Variants in HECW2 observed in about 807,000 individuals in gnomAD.
The protein encoded by HECW2 is E3 ubiquitin-protein ligase HECW2.
HECW2 carries 61 observed loss-of-function variants against 175.2 expected under a neutral mutation model. The observed-to-expected ratio is 0.35, with a 90% confidence interval of 0.28 to 0.43. The LOEUF is 0.43. Ranked by LOEUF, HECW2 falls within the 20% of genes least tolerant of loss-of-function variation. HECW2 has a pLI of 1.00. For missense variants in HECW2, 1,524 were observed against 2,000.5 expected, an observed-to-expected ratio of 0.76 and a Z score of 4.54; for synonymous variants, 671 against 731.0, an observed-to-expected ratio of 0.92 and a Z score of 1.32.
chr2:196,492,712 A>T (rs184600921), intron 1 of HECW2, among the ~76,000 whole-genome samples: 41 of 152,344 alleles, frequency 2.7e-4, no homozygotes, highest in African/African-American at 9.1e-4. Flanking sequence ...GGGGAAAAAA[A>T]CTGTACTCAA....
At chr2:196,338,415 T>A (rs1299145002) in intron 3 of HECW2, among the ~76,000 whole-genome samples, 1 of 152,256 alleles carries the variant, frequency 6.6e-6, no homozygotes, top group Non-Finnish European at 1.5e-5. Context: ...TCAATTTTTA[T>A]ACTTTTTAAA....
intron 26 of HECW2, chr2:196,217,359 T>C: frequency 2.8e-6 from 1 of 355,412 alleles, no homozygotes; most frequent in Non-Finnish European, 5.1e-6. Flanking sequence ...GAACAACAAA[T>C]GAGTTATTTT....
At chr2:196,222,492 T>C in intron 23 of HECW2, 152 bp from the exon 24 acceptor site, 1 of 658,500 alleles carries the variant, frequency 1.5e-6, no homozygotes, top group East Asian at 2.8e-5. Context: ...AGTCCAGTAA[T>C]TAAACCAAAC....
chr2:196,240,909 G>C (rs936272090), intron 20 of HECW2, among the ~76,000 whole-genome samples: 1 of 151,962 alleles, frequency 6.6e-6, no homozygotes, highest in South Asian at 2.1e-4. Flanking sequence ...ATTTTGTTTA[G>C]TAAAGCAAGA....
chr2:196,312,158 A>G (rs1234272098), intron 10 of HECW2, among the ~76,000 whole-genome samples: 1 of 148,040 alleles, frequency 6.8e-6, no homozygotes, highest in Non-Finnish European at 1.5e-5. Flanking sequence ...TTGGCTTATG[A>G]TCGGATGAGG....
chr2:196,317,641 C>A (rs376902985), intron 9 of HECW2, among the ~76,000 whole-genome samples: 2 of 151,080 alleles, frequency 1.3e-5, no homozygotes, highest in Non-Finnish European at 2.9e-5. Flanking sequence ...CCTGGTCATG[C>A]GCTAATGCTT....
At chr2:196,413,021 G>T (rs1458445486) in intron 2 of HECW2, among the ~76,000 whole-genome samples, 1 of 152,160 alleles carries the variant, frequency 6.6e-6, no homozygotes, top group Non-Finnish European at 1.5e-5. Context: ...AGTTAATCAG[G>T]TGGAGAGCTG....
intron 28 of HECW2, among the ~76,000 whole-genome samples, chr2:196,205,358 T>G (rs1277623812): frequency 6.6e-6 from 1 of 152,210 alleles, no homozygotes; most frequent in East Asian, 1.9e-4. Flanking sequence ...GCTTCATTCT[T>G]TTACTTTTGG....
chr2:196,235,667 T>TG (rs1688222586), intron 21 of HECW2, among the ~76,000 whole-genome samples: 1 of 127,734 alleles, frequency 7.8e-6, no homozygotes, highest in South Asian at 2.7e-4. Flanking sequence ...TTTTTTTTTT[T>TG]TTTTTTGAGA....
rs531920307 is a variant in HECW2, at chr2:196,278,133, A to AAAAAAAATATATAT, written c.3135+394_3135+395insATATATATTTTTTT. ...CCTAGAACTTAAAGTATAATTAAAA[A>AAAAAAAATATATAT]ATATATATATATATATATAAAGAAA... On this transcript the variant is annotated intron_variant, in intron 15 of 28. Transcript: ENST00000644978. 7.5e-5 allele frequency among the ~76,000 whole-genome samples: 5 copies of AAAAAAAATATATAT among 66,552 alleles called. 1 individual carries two copies. Among genetic ancestry groups the AAAAAAAATATATAT allele is most frequent in the Admixed American group, 2.2e-4 (1 of 4,500 alleles). The allele number at this position is 66,552 out of a possible 152,430, so 43.7% of individuals were successfully genotyped here. A position where few individuals can be genotyped will look rare whatever the true frequency, so the allele number is the denominator to read the frequency against.
intron 17 of HECW2, chr2:196,258,149 G>T: frequency 2.1e-6 from 1 of 486,956 alleles, no homozygotes; most frequent in Non-Finnish European, 3.7e-6. Flanking sequence ...TCTTTCACTG[G>T]CTTCATCATT....
chr2:196,547,805 C>T (rs1689474898), intron 1 of HECW2, among the ~76,000 whole-genome samples: 1 of 152,198 alleles, frequency 6.6e-6, no homozygotes, highest in Non-Finnish European at 1.5e-5. Context: ...GATTTTCCCC[C>T]ATTGGCTAGA....
intron 1 of HECW2, among the ~76,000 whole-genome samples, chr2:196,577,689 G>A (rs536912106): frequency 7.9e-5 from 12 of 152,248 alleles, no homozygotes; most frequent in African/African-American, 2.4e-4. Context: ...GCTGATTGTC[G>A]AAGGTATGCC....
At chr2:196,476,040 T>C (rs1479758271) in intron 1 of HECW2, among the ~76,000 whole-genome samples, 3 of 152,136 alleles carry the variant, frequency 2.0e-5, no homozygotes, top group Non-Finnish European at 4.4e-5. Context: ...GGAAAACCCA[T>C]TTGGTGTAGT....
At position 196,274,093 on chromosome 2, in the gene HECW2, G is replaced by A. The variant is rs766398951; in HGVS notation, c.3166C>T (p.Pro1056Ser). Residue 1056 changes from proline (P) to serine (S), a missense_variant, in exon 16 of 29, where the codon CCA becomes TCA. Around this residue, in one of 11 missense-constraint regions of HECW2, gnomAD observed 291 missense variants for 412.2 expected, o/e 0.71. Transcript: ENST00000644978. Reference sequence around the variant, plus strand: ...GTACTGGATGGCCTGGGAAGAACTGGTGGTCCTGCATGTCGAGAATCTTCT... The same window carrying A: ...GTACTGGATGGCCTGGGAAGAACTGATGGTCCTGCATGTCGAGAATCTTCT... The part of the protein sequence containing the change: ...VGEDSRHAGP[P>S]VLPRPSSTFN... The A allele has an allele frequency of 2.5e-6, 4 of 1,614,104 alleles. No homozygotes were observed. In the Admixed American group the frequency reaches 6.7e-5, roughly 27 times the overall value.
At chr2:196,429,932 A>G (rs947608180) in intron 2 of HECW2, among the ~76,000 whole-genome samples, 1 of 152,200 alleles carries the variant, frequency 6.6e-6, no homozygotes, top group African/African-American at 2.4e-5. Context: ...AAGGCTTTAT[A>G]GAGAGCAGCT....
rs1233984576 is a variant in HECW2, at chr2:196,194,419, A to G, written c.*6858T>C. 1 of 152,112 alleles carries G rather than the reference A, an allele frequency of 6.6e-6. No individual in the cohort carries two copies. Among genetic ancestry groups the G allele is most frequent in the Non-Finnish European group, 1.5e-5 (1 of 68,010 alleles). 9.4% of individuals were successfully genotyped at this position (152,112 alleles called of 1,614,324 possible). On this transcript the variant is annotated 3_prime_UTR_variant, in exon 29 of 29. Coordinates refer to ENST00000644978, the MANE Select transcript of HECW2 (RefSeq NM_001348768.2). ...TTGGATTAAGTGATTTCATGATGCA[A>G]CATGGTTTTAAACAAAAATAGAGAT...
intron 2 of HECW2, among the ~76,000 whole-genome samples, chr2:196,361,644 T>C (rs1171246222): frequency 6.6e-6 from 1 of 152,182 alleles, no homozygotes; most frequent in Non-Finnish European, 1.5e-5. Flanking sequence ...TGCCAAGTGA[T>C]AAATGTGCCA....
chr2:196,334,296 A>G, intron 4 of HECW2, 128 bp downstream of exon 4: 1 of 653,024 alleles, frequency 1.5e-6, no homozygotes. Flanking sequence ...TTCCTATAAC[A>G]GTGCCCACAC....
Sources: allele counts gnomAD v4.1 joint callset (sites outside exome capture counted in the v4.1 genomes callset), GRCh38; gene constraint gnomAD v4.1.1; regional missense constraint gnomAD v4.1.1; transcripts MANE v1.5; gene names NCBI Gene and HGNC (gene_info 2026-07-23, HGNC 2026-07-21).